Variants in NREP observed in about 807,000 individuals in gnomAD.
NREP encodes the protein neuronal regeneration-related protein.
A neutral mutation model predicts 8.6 loss-of-function variants in NREP; 5 were observed. That is an observed-to-expected ratio of 0.58 (90% CI 0.30 to 1.22). The LOEUF is 1.22. Among genes scored for constraint, NREP ranks in the 50% most tolerant of loss-of-function variants. NREP has a pLI of 0.07. For synonymous variants in NREP, 27 were observed against 28.0 expected (o/e 0.96, Z 0.11); for missense variants, 86 against 82.5 (o/e 1.04, Z -0.17).
intron 2 of NREP, among the ~76,000 whole-genome samples, chr5:111,921,661 G>A (rs77642710): frequency 0.04 from 6,145 of 151,920 alleles, 206 homozygotes; most frequent in Non-Finnish European, 0.055. Flanking sequence ...GGACAGAGAG[G>A]TTGCTAGTCC....
intron 2 of NREP, among the ~76,000 whole-genome samples, chr5:111,895,931 G>A (rs562036570): frequency 9.2e-5 from 14 of 152,264 alleles, no homozygotes; most frequent in African/African-American, 3.4e-4. Flanking sequence ...TATGCTGTCT[G>A]AAAACGATTG....
At chr5:111,867,798 AAT>A (rs1461774665) in intron 2 of NREP, among the ~76,000 whole-genome samples, 1 of 152,072 alleles carries the variant, frequency 6.6e-6, no homozygotes, top group Admixed American at 6.6e-5. Context: ...GCCCTATGAC[AAT>A]AGTTTTTCTT....
chr5:111,837,715 C>T (rs1424487584), intron 2 of NREP, among the ~76,000 whole-genome samples: 1 of 151,896 alleles, frequency 6.6e-6, no homozygotes, highest in Non-Finnish European at 1.5e-5. Context: ...TGAAATGATT[C>T]AGGAAAGAAT....
chr5:111,862,386 A>G (rs1269091729), intron 2 of NREP, among the ~76,000 whole-genome samples: 1 of 152,130 alleles, frequency 6.6e-6, no homozygotes, highest in African/African-American at 2.4e-5. Context: ...TTATTCCAGA[A>G]AAGGAAGCTG....
At chr5:111,926,881 C>A (rs1755402669) in intron 2 of NREP, among the ~76,000 whole-genome samples, 1 of 151,304 alleles carries the variant, frequency 6.6e-6, no homozygotes, top group Non-Finnish European at 1.5e-5. Flanking sequence ...TTCTGCCTGA[C>A]CCACTCCTCT....
intron 2 of NREP, among the ~76,000 whole-genome samples, chr5:111,922,793 G>C (rs577893073): frequency 6.6e-6 from 1 of 152,272 alleles, no homozygotes; most frequent in Non-Finnish European, 1.5e-5. Context: ...CTGATGGCTG[G>C]AAAGTGAATC....
Position 111,901,402 on chromosome 5 carries a change from C to T in NREP, c.135+73872G>A, listed in dbSNP as rs529889220. ...AATGAGGAAAAGCTCAAAACCTTTC[C>T]TCTAAGAACTGGAACATGACTAGGA... On this transcript the variant is annotated intron_variant, in intron 2 of 3. Coordinates refer to the NREP transcript ENST00000395634. 9.9e-5 allele frequency among the ~76,000 whole-genome samples: 15 copies of T among 152,222 alleles called. No homozygotes were observed. The South Asian group carries it at 3.1e-3, about 32-fold the overall frequency.
chr5:111,774,708 A>C (rs1196839616), intron 2 of NREP, among the ~76,000 whole-genome samples: 1 of 152,176 alleles, frequency 6.6e-6, no homozygotes, highest in African/African-American at 2.4e-5. Flanking sequence ...ACCGCAAGGA[A>C]CTGAATTCTG....
intron 2 of NREP, among the ~76,000 whole-genome samples, chr5:111,939,172 C>T (rs921491632): frequency 2.0e-5 from 3 of 151,990 alleles, no homozygotes; most frequent in Non-Finnish European, 4.4e-5. Context: ...GTCCATGGAG[C>T]CTCACATCTT....
chr5:111,846,227 C>T, intron 2 of NREP: 1 of 184,734 alleles, frequency 5.4e-6, no homozygotes. Context: ...AAATATTCCT[C>T]TGGATTTATA....
intron 2 of NREP, among the ~76,000 whole-genome samples, chr5:111,903,915 T>C (rs1754712758): frequency 6.6e-6 from 1 of 152,178 alleles, no homozygotes; most frequent in Non-Finnish European, 1.5e-5. Flanking sequence ...TCCTGGTGGT[T>C]TTACTTTTTT....
rs186946647 is a variant in NREP, at chr5:111,854,507, G to A, written c.136-119000C>T. 1.7e-3 allele frequency among the ~76,000 whole-genome samples: 262 copies of A among 152,220 alleles called. 2 individuals carry two copies. The highest frequency in any genetic ancestry group is 6.0e-3 in the African/African-American group (250 of 41,536). ...TGTAGACAGGCTACATAATCTCCCCGAGCTTCACTGTTTACATTGGTGAAA... is the reference window on the plus strand; with the variant it reads ...TGTAGACAGGCTACATAATCTCCCCAAGCTTCACTGTTTACATTGGTGAAA... On this transcript the variant is annotated intron_variant, in intron 2 of 3. Transcript: ENST00000395634.
Position 111,931,605 on chromosome 5 carries a change from C to A in NREP, c.135+43669G>T, listed in dbSNP as rs188738246. On this transcript the variant is annotated intron_variant, in intron 2 of 3. Coordinates refer to the NREP transcript ENST00000395634. ...CTCCAGAATTTCTGACTTGTAGGAA[C>A]TGTGAGATAATATATATTTGTTGTT... Among the ~76,000 whole-genome samples the A allele has an allele frequency of 1.5e-3, 223 of 152,242 alleles. 2 individuals are homozygous for A. Among genetic ancestry groups the A allele is most frequent in the Admixed American group, 3.5e-3 (54 of 15,284 alleles).
chr5:111,907,488 C>G (rs1226397952), intron 2 of NREP, among the ~76,000 whole-genome samples: 1 of 151,986 alleles, frequency 6.6e-6, no homozygotes, highest in Non-Finnish European at 1.5e-5. Context: ...GATCAATTTG[C>G]TCTATTTGTT....
intron 2 of NREP, among the ~76,000 whole-genome samples, chr5:111,815,305 G>A (rs2112918365): frequency 6.6e-6 from 1 of 152,242 alleles, no homozygotes; most frequent in East Asian, 1.9e-4. Flanking sequence ...CCTGAAACTT[G>A]GCATTGAGCC....
intron 2 of NREP, among the ~76,000 whole-genome samples, chr5:111,919,146 T>G (rs1253962133): frequency 1.3e-5 from 2 of 151,980 alleles, no homozygotes; most frequent in African/African-American, 2.4e-5. Flanking sequence ...CACTGGTGAT[T>G]AGAGAAATGC....
At chr5:111,955,921 G>C (rs1385270042) in intron 2 of NREP, among the ~76,000 whole-genome samples, 3 of 148,786 alleles carry the variant, frequency 2.0e-5, no homozygotes. Context: ...AAACAAAAAC[G>C]TTGGGCTTCC....
chr5:111,929,274 T>A (rs1755474081), intron 2 of NREP, among the ~76,000 whole-genome samples: 1 of 152,252 alleles, frequency 6.6e-6, no homozygotes, highest in Non-Finnish European at 1.5e-5. Flanking sequence ...TATAAAGTGC[T>A]ATCCTACTTA....
chr5:111,876,610 A>C (rs1753915900), intron 2 of NREP, among the ~76,000 whole-genome samples: 1 of 152,216 alleles, frequency 6.6e-6, no homozygotes, highest in African/African-American at 2.4e-5. Flanking sequence ...AAGAAAATGC[A>C]ATCTGCCAAT....
Sources: gnomAD v4.1 joint callset for allele counts (sites outside exome capture counted in the v4.1 genomes callset) on GRCh38, gnomAD v4.1.1 for gene constraint, MANE v1.5 for transcripts, NCBI Gene and HGNC (gene_info 2026-07-23, HGNC 2026-07-21) for gene names.